MED26: variants seen among roughly 807,000 people sequenced by gnomAD.
MED26 encodes mediator of RNA polymerase II transcription subunit 26.
In MED26, 7 loss-of-function variants were observed where a neutral mutation model predicts 43.7. The observed-to-expected ratio is 0.16, with a 90% confidence interval of 0.09 to 0.30. The LOEUF (loss-of-function observed/expected upper bound fraction) is 0.30. Ranked by LOEUF, MED26 falls within the 10% of genes least tolerant of loss-of-function variation. The probability of loss-of-function intolerance (pLI) is 1.00; values close to 1 mark genes in which losing one functional copy is unlikely to be tolerated. For missense variants in MED26, 784 were observed against 840.6 expected (o/e 0.93, Z 0.83); for synonymous variants, 375 against 371.1 (o/e 1.01, Z -0.12).
At chr19:16,600,697 C>G in intron 1 of MED26, among the ~76,000 whole-genome samples, 1 of 152,192 alleles carries the variant, frequency 6.6e-6, no homozygotes, top group Non-Finnish European at 1.5e-5. Flanking sequence ...CAAAGAGAAT[C>G]CCACAGGCCC....
chr19:16,598,104 G>T (rs377380256), intron 1 of MED26, among the ~76,000 whole-genome samples: 17 of 151,534 alleles, frequency 1.1e-4, no homozygotes, highest in East Asian at 6.0e-4. Flanking sequence ...GGAGGCCAAG[G>T]CAGGTGGATC....
In MED26 at chr19:16,575,707, T is replaced by C; in HGVS notation, c.*320A>G. 1 of 310,330 alleles carries C rather than the reference T, an allele frequency of 3.2e-6. No homozygotes were observed. The highest frequency in any genetic ancestry group is 6.1e-6 in the Non-Finnish European group (1 of 164,314). 19.2% of individuals were successfully genotyped at this position (310,330 alleles called of 1,614,324 possible). A position where few individuals can be genotyped will look rare whatever the true frequency, so the allele number is the denominator to read the frequency against. On this transcript the variant is annotated 3_prime_UTR_variant, in exon 3 of 3. Coordinates refer to ENST00000263390, the MANE Select transcript of MED26 (RefSeq NM_004831.5). Reference sequence around the variant, plus strand: ...CCCAGCTTTCAGGTGCTGGAAAGTGTCCGCACCTCTTTGGGGGTGAGGGAC... The same window carrying C: ...CCCAGCTTTCAGGTGCTGGAAAGTGCCCGCACCTCTTTGGGGGTGAGGGAC...
At chr19:16,602,563 T>C (rs1362420710) in intron 1 of MED26, among the ~76,000 whole-genome samples, 2 of 152,168 alleles carry the variant, frequency 1.3e-5, no homozygotes, top group African/African-American at 4.8e-5. Flanking sequence ...GCAGCATTAT[T>C]TGCCATGGCT....
chr19:16,584,169 C>A (rs1304626890), intron 1 of MED26, among the ~76,000 whole-genome samples: 1 of 151,892 alleles, frequency 6.6e-6, no homozygotes, highest in Non-Finnish European at 1.5e-5. Context: ...AGGAGAATCG[C>A]TCAAACCTGG....
intron 1 of MED26, among the ~76,000 whole-genome samples, chr19:16,582,625 T>C (rs1403084478): frequency 6.6e-6 from 1 of 152,128 alleles, no homozygotes; most frequent in Non-Finnish European, 1.5e-5. Flanking sequence ...CGTATGTGGC[T>C]GAGGGGAGGC....
At position 16,597,513 on chromosome 19, in the gene MED26, G is replaced by A. The variant is rs2086126324; in HGVS notation, c.73-19104C>T. 5 of 398,426 alleles carry A rather than the reference G, an allele frequency of 1.3e-5. No individual in the cohort carries two copies. The Admixed American group carries it at 2.2e-4, about 18-fold the overall frequency. 24.7% of individuals were successfully genotyped at this position (398,426 alleles called of 1,614,324 possible). A position where few individuals can be genotyped will look rare whatever the true frequency, so the allele number is the denominator to read the frequency against. On this transcript the variant is annotated intron_variant, in intron 1 of 2. Coordinates refer to ENST00000263390, the MANE Select transcript of MED26 (RefSeq NM_004831.5). ...ACAACACACCAAGACAATCATGCCTGGGTGAGCATCAGGTTAAGTTTGTTT... is the reference window on the plus strand; with the variant it reads ...ACAACACACCAAGACAATCATGCCTAGGTGAGCATCAGGTTAAGTTTGTTT...
At chr19:16,578,293 C>T in intron 2 of MED26, 42 bp downstream of exon 2, 1 of 1,579,344 alleles carries the variant, frequency 6.3e-7, no homozygotes, top group African/African-American at 1.3e-5. Context: ...ATCCCCTGCC[C>T]CCCGTTCTGC....
intron 1 of MED26, among the ~76,000 whole-genome samples, chr19:16,616,736 G>T (rs570489949): frequency 6.6e-6 from 1 of 152,194 alleles, no homozygotes; most frequent in African/African-American, 2.4e-5. Flanking sequence ...AAAGTCTTAA[G>T]GGCCGAAGAC....
chr19:16,627,982 G>A lies in MED26; in HGVS notation c.-39C>T. ...CGGGGGGTTGCGGCCGGGCCAGCGG[G>A]CGGGCGGGCTGAGGCGGGGGACGGG... On this transcript the variant is annotated 5_prime_UTR_variant, in exon 1 of 3. Transcript: ENST00000263390. 2 of 1,377,208 alleles carry A rather than the reference G, an allele frequency of 1.5e-6. No homozygotes were observed. The highest frequency in any genetic ancestry group is 1.5e-5 in the South Asian group (1 of 67,654). 85.3% of individuals were successfully genotyped at this position (1,377,208 alleles called of 1,614,324 possible). A position where few individuals can be genotyped will look rare whatever the true frequency, so the allele number is the denominator to read the frequency against.
rs528471338 is a variant in MED26, at chr19:16,587,042, C to G, written c.73-8633G>C. 6.6e-6 allele frequency: 1 copy of G among 152,220 alleles called. No individual in the cohort carries two copies. The highest frequency in any genetic ancestry group is 2.4e-5 in the African/African-American group (1 of 41,526). The allele number at this position is 152,220 out of a possible 1,614,324, so 9.4% of individuals were successfully genotyped here. ...AAACCCAAACATGCCACAGATGGCA[C>G]CCAGAAACAGACAGTCTGCCTTCAA... is the stretch of plus-strand genomic sequence containing the variant. On this transcript the variant is annotated intron_variant, in intron 1 of 2. Transcript: ENST00000263390. This position sits in a 1 kb window ranked among gnomAD's most constrained non-coding sequence, Gnocchi z 4.9.
chr19:16,606,535 C>T (rs570947658), intron 1 of MED26, among the ~76,000 whole-genome samples: 67 of 151,856 alleles, frequency 4.4e-4, no homozygotes, highest in Admixed American at 8.5e-4. Flanking sequence ...GGTGACAGAG[C>T]GAGACTCCGT....
At chr19:16,603,937 C>T (rs973075113) in intron 1 of MED26, among the ~76,000 whole-genome samples, 6 of 152,210 alleles carry the variant, frequency 3.9e-5, no homozygotes, top group Non-Finnish European at 8.8e-5. Context: ...GAAGACTCCC[C>T]TCCATTATCT....
intron 1 of MED26, among the ~76,000 whole-genome samples, chr19:16,585,108 A>G (rs778555723): frequency 6.6e-6 from 1 of 152,126 alleles, no homozygotes; most frequent in Non-Finnish European, 1.5e-5. Flanking sequence ...AGACCCCAGG[A>G]GCCCCTCACC....
At position 16,583,309 on chromosome 19, in the gene MED26, G is replaced by A. The variant is rs546356088; in HGVS notation, c.73-4900C>T. Among the ~76,000 whole-genome samples, 43 of 152,346 alleles carry A rather than the reference G, an allele frequency of 2.8e-4. 1 individual carries two copies. The South Asian group carries it at 8.9e-3, about 32-fold the overall frequency. On this transcript the variant is annotated intron_variant, in intron 1 of 2. Coordinates refer to ENST00000263390, the MANE Select transcript of MED26 (RefSeq NM_004831.5). ...GCTTTCCCAAAGGGGCAGGAATCCCGTCAGGAACTGTAGCCTCTCACTTCT... is the reference window on the plus strand; with the variant it reads ...GCTTTCCCAAAGGGGCAGGAATCCCATCAGGAACTGTAGCCTCTCACTTCT...
At position 16,587,326 on chromosome 19, in the gene MED26, CCTCCACCCCAA is replaced by C. The variant is rs2086075877; in HGVS notation, c.73-8928_73-8918del. 1 of 152,274 alleles carries C rather than the reference CCTCCACCCCAA, an allele frequency of 6.6e-6. No individual in the cohort carries two copies. Among genetic ancestry groups the C allele is most frequent in the Non-Finnish European group, 1.5e-5 (1 of 68,180 alleles). 9.4% of individuals were successfully genotyped at this position (152,274 alleles called of 1,614,324 possible). A position where few individuals can be genotyped will look rare whatever the true frequency, so the allele number is the denominator to read the frequency against. On this transcript the variant is annotated intron_variant, in intron 1 of 2. Coordinates refer to ENST00000263390, the MANE Select transcript of MED26 (RefSeq NM_004831.5). This position sits in a 1 kb window ranked among gnomAD's most constrained non-coding sequence, Gnocchi z 4.9. Reference sequence around the variant, plus strand: ...AGGCGGCACCTGCATCCCCACCCCACCTCCACCCCAAGACCCCAGCTCTGCCCTCCCTCTCA... The same window carrying C: ...AGGCGGCACCTGCATCCCCACCCCACGACCCCAGCTCTGCCCTCCCTCTCA...
intron 1 of MED26, among the ~76,000 whole-genome samples, chr19:16,601,605 C>A (rs975536931): frequency 6.6e-6 from 1 of 152,198 alleles, no homozygotes; most frequent in Non-Finnish European, 1.5e-5. Context: ...AGGGCTGTGA[C>A]ACTCAGGATG....
At chr19:16,599,748 GC>G (rs2086139793) in intron 1 of MED26, among the ~76,000 whole-genome samples, 2 of 151,976 alleles carry the variant, frequency 1.3e-5, no homozygotes, top group Non-Finnish European at 2.9e-5. Context: ...CTGGCCTGGG[GC>G]TGGAACTGGG....
At chr19:16,626,631 A>C (rs1209782602) in intron 1 of MED26, among the ~76,000 whole-genome samples, 1 of 152,224 alleles carries the variant, frequency 6.6e-6, no homozygotes. Context: ...ACATCATCAG[A>C]GTGAAGCATA....
chr19:16,607,565 C>T lies in MED26; in HGVS notation c.72+20307G>A, dbSNP rs137924256. 5.7e-3 allele frequency among the ~76,000 whole-genome samples: 871 copies of T among 152,256 alleles called. 5 individuals are homozygous for T. Among genetic ancestry groups the T allele is most frequent in the Admixed American group, 7.8e-3 (120 of 15,292 alleles). On this transcript the variant is annotated intron_variant, in intron 1 of 2. Transcript: ENST00000263390. ...TAATGTGAGTTGAAGGCTTCCCTCA[C>T]AACCACTGGGCCAGATGAGGTGGTC...
Sources: gnomAD v4.1 joint callset for allele counts (sites outside exome capture counted in the v4.1 genomes callset) on GRCh38, gnomAD v4.1.1 for gene constraint, Gnocchi (gnomAD v3.1) non-coding constraint, MANE v1.5 for transcripts, NCBI Gene and HGNC (gene_info 2026-07-23, HGNC 2026-07-21) for gene names.